The following MAN1A2 variants were observed in gnomAD, a reference collection of about 807,000 sequenced individuals.
MAN1A2 encodes the protein mannosyl-oligosaccharide 1,2-alpha-mannosidase IB.
In MAN1A2, 26 loss-of-function variants were observed where a neutral mutation model predicts 75.7. The ratio of observed to expected loss-of-function variants is 0.34; its 90% CI spans 0.25 to 0.48. The LOEUF is 0.48. Among genes scored for constraint, MAN1A2 ranks in the 20% least tolerant of loss-of-function variants. The pLI is 0.99. For missense variants in MAN1A2, 562 were observed against 775.5 expected (o/e 0.72, Z 3.27); for synonymous variants, 247 against 264.6 (o/e 0.93, Z 0.65).
chr1:117,370,188 T>C (rs764075768), intron 1 of MAN1A2, among the ~76,000 whole-genome samples: 3 of 152,226 alleles, frequency 2.0e-5, no homozygotes, highest in Non-Finnish European at 2.9e-5. Context: ...TATATATGCA[T>C]ATGTATTTAG....
chr1:117,457,561 A>G (rs1649643073), intron 6 of MAN1A2, among the ~76,000 whole-genome samples: 1 of 152,124 alleles, frequency 6.6e-6, no homozygotes, highest in Non-Finnish European at 1.5e-5. Flanking sequence ...AAAAATTTAA[A>G]AACCTTATTT....
intron 10 of MAN1A2, among the ~76,000 whole-genome samples, chr1:117,498,186 A>C (rs887633038): frequency 2.0e-5 from 3 of 151,836 alleles, no homozygotes; most frequent in African/African-American, 7.2e-5. Context: ...ATAGAGGCTA[A>C]ATTAAATTAT....
In MAN1A2 at chr1:117,382,288, T is replaced by G. The variant is rs1281167079; in HGVS notation, c.302+13803T>G. Among the ~76,000 whole-genome samples the G allele has an allele frequency of 3.9e-5, 6 of 152,184 alleles. No homozygotes were observed. In the East Asian group the frequency reaches 7.7e-4, roughly 20 times the overall value. ...TATGTCCTGAATGTAATGCCTAGGT[T>G]TTCTTCTAGGGTTTTTATGGTTTTA... On this transcript the variant is annotated intron_variant, in intron 1 of 12. Transcript: ENST00000356554.
rs927225004 is a variant in MAN1A2, at chr1:117,456,332, CATATA to C, written c.951-4154_951-4150del. Among the ~76,000 whole-genome samples, 37 of 151,970 alleles carry C rather than the reference CATATA, an allele frequency of 2.4e-4. 2 individuals are homozygous for C. The highest frequency in any genetic ancestry group is 8.4e-4 in the African/African-American group (35 of 41,522). ...TGTTTTATAAGCCAGATTATGGCAT[CATATA>C]ATGAGAATGACCATATAGTGTGTTG... On this transcript the variant is annotated intron_variant, in intron 6 of 12. Transcript: ENST00000356554.
At position 117,368,036 on chromosome 1, in the gene MAN1A2, C is replaced by T; in HGVS notation, c.-148C>T. The stretch of plus-strand genomic sequence containing the variant: ...AGTGGGAATGGATGGGCGTGAATGA[C>T]GTGCCCTCTTAAAAAGCACAACAGT... On this transcript the variant is annotated 5_prime_UTR_variant, in exon 1 of 13. In the 5' UTR this introduces an upstream ATG that the reference lacks. Coordinates refer to ENST00000356554, the MANE Select transcript of MAN1A2 (RefSeq NM_006699.5). 4.3e-6 allele frequency: 3 copies of T among 698,812 alleles called. No homozygotes were observed. The highest frequency in any genetic ancestry group is 2.8e-5 in the Admixed American group (1 of 36,042). The allele number at this position is 698,812 out of a possible 1,614,324, so 43.3% of individuals were successfully genotyped here.
At chr1:117,474,745 G>A (rs1170238305) in intron 8 of MAN1A2, among the ~76,000 whole-genome samples, 2 of 151,834 alleles carry the variant, frequency 1.3e-5, no homozygotes, top group African/African-American at 2.4e-5. Context: ...GTACAACTTG[G>A]TGTTTTAAAA....
At chr1:117,424,167 G>T (rs1306056396) in intron 5 of MAN1A2, among the ~76,000 whole-genome samples, 2 of 152,104 alleles carry the variant, frequency 1.3e-5, no homozygotes, top group African/African-American at 4.8e-5. Context: ...TCTGTATAGA[G>T]AATGGTTATT....
chr1:117,471,656 T>C (rs1021414495), intron 8 of MAN1A2, among the ~76,000 whole-genome samples: 5 of 150,888 alleles, frequency 3.3e-5, no homozygotes, highest in Admixed American at 6.6e-5. Context: ...TTGAGAAGGT[T>C]TTTTTTTTGT....
At chr1:117,489,278 G>C (rs1650806347) in intron 8 of MAN1A2, among the ~76,000 whole-genome samples, 1 of 151,920 alleles carries the variant, frequency 6.6e-6, no homozygotes, top group Non-Finnish European at 1.5e-5. Context: ...CAATTCCTAG[G>C]TTAAATTTTG....
chr1:117,491,986 A>G (rs1158207612), intron 8 of MAN1A2, among the ~76,000 whole-genome samples: 2 of 152,016 alleles, frequency 1.3e-5, no homozygotes, highest in Non-Finnish European at 2.9e-5. Context: ...ACAGATGAGC[A>G]AAGAAGATGG....
intron 5 of MAN1A2, among the ~76,000 whole-genome samples, chr1:117,426,750 T>A: frequency 6.6e-6 from 1 of 152,168 alleles, no homozygotes; most frequent in East Asian, 1.9e-4. Context: ...GTTGAAAAAA[T>A]CATGAGTTGA....
At chr1:117,477,442 A>G (rs10923314) in intron 8 of MAN1A2, among the ~76,000 whole-genome samples, 18,831 of 152,016 alleles carry the variant, frequency 0.12, 1,225 homozygotes, top group Non-Finnish European at 0.14. Flanking sequence ...ATCCACCATG[A>G]TCAAGTCGGC....
intron 5 of MAN1A2, among the ~76,000 whole-genome samples, chr1:117,432,980 A>C (rs1648723630): frequency 6.7e-6 from 1 of 149,676 alleles, no homozygotes; most frequent in African/African-American, 2.4e-5. Flanking sequence ...ATCAAGAAAA[A>C]TTTCTTTTAT....
intron 12 of MAN1A2, 150 bp downstream of exon 12, chr1:117,503,120 T>G (rs1380270649): frequency 3.8e-6 from 2 of 521,594 alleles, no homozygotes; most frequent in Non-Finnish European, 6.7e-6. Context: ...TTTAGCTACA[T>G]CTCAAAAAGA....
At chr1:117,461,885 A>T (rs1324200875) in intron 7 of MAN1A2, among the ~76,000 whole-genome samples, 1 of 152,148 alleles carries the variant, frequency 6.6e-6, no homozygotes, top group Non-Finnish European at 1.5e-5. Context: ...CACTTCTAGA[A>T]TTTATACAGT....
intron 12 of MAN1A2, among the ~76,000 whole-genome samples, chr1:117,510,476 C>T (rs1364990209): frequency 2.0e-5 from 3 of 152,002 alleles, no homozygotes; most frequent in Admixed American, 1.3e-4. Flanking sequence ...TCACTTAAAA[C>T]TTGTTTTCTG....
intron 8 of MAN1A2, among the ~76,000 whole-genome samples, chr1:117,470,359 A>G (rs1422863403): frequency 6.6e-6 from 1 of 152,062 alleles, no homozygotes; most frequent in Non-Finnish European, 1.5e-5. Flanking sequence ...TAGAGTTTGT[A>G]TTTGCAGTGA....
intron 12 of MAN1A2, among the ~76,000 whole-genome samples, chr1:117,514,440 A>C (rs1651649639): frequency 6.6e-6 from 1 of 151,940 alleles, no homozygotes; most frequent in Non-Finnish European, 1.5e-5. Context: ...TAAATTATCC[A>C]GAATAGGTAT....
At chr1:117,426,837 A>G (rs1354516280) in intron 5 of MAN1A2, among the ~76,000 whole-genome samples, 1 of 152,144 alleles carries the variant, frequency 6.6e-6, no homozygotes, top group African/African-American at 2.4e-5. Context: ...ATGTCACTAC[A>G]TTATCTTATA....
Sources: allele counts gnomAD v4.1 joint callset (sites outside exome capture counted in the v4.1 genomes callset), GRCh38; gene constraint gnomAD v4.1.1; transcripts MANE v1.5; gene names NCBI Gene and HGNC (gene_info 2026-07-23, HGNC 2026-07-21).